Variants in RAP1GAP2 observed in about 807,000 individuals in gnomAD.
The protein encoded by RAP1GAP2 is rap1 GTPase-activating protein 2.
RAP1GAP2 carries 27 observed loss-of-function variants against 95.0 expected under a neutral mutation model. The observed-to-expected ratio is 0.28, with a 90% CI of 0.21 to 0.39. The LOEUF is 0.39. RAP1GAP2 is among the 10% of genes least tolerant of loss of function. The probability of loss-of-function intolerance (pLI) is 1.00; values close to 1 mark genes in which losing one functional copy is unlikely to be tolerated. For synonymous variants in RAP1GAP2, 373 were observed against 380.9 expected, an observed-to-expected ratio of 0.98 and a Z score of 0.24; for missense variants, 771 against 970.0, an observed-to-expected ratio of 0.79 and a Z score of 2.72.
chr17:2,933,746 T>C (rs141989991), intron 3 of RAP1GAP2, among the ~76,000 whole-genome samples: 2 of 152,096 alleles, frequency 1.3e-5, no homozygotes, highest in African/African-American at 4.8e-5. Context: ...CCTGATGAGA[T>C]TTCCAGAGCT....
chr17:3,026,818 A>G, intron 21 of RAP1GAP2, 126 bp from the exon 22 acceptor site: 1 of 1,258,072 alleles, frequency 7.9e-7, no homozygotes, highest in South Asian at 1.5e-5. Context: ...AGCAGGAAAG[A>G]AAGAGCAGGC....
chr17:2,760,947 CT>C (rs112322823), intron 1 of RAP1GAP2, among the ~76,000 whole-genome samples: 3 of 104,306 alleles, frequency 2.9e-5, no homozygotes, highest in African/African-American at 9.1e-5. Flanking sequence ...ATTTTCTTTT[CT>C]TTTCTTTCTT....
At chr17:2,771,124 G>A (rs1477925096) in intron 2 of RAP1GAP2, among the ~76,000 whole-genome samples, 5 of 152,156 alleles carry the variant, frequency 3.3e-5, no homozygotes, top group Admixed American at 3.3e-4. Context: ...AAAGACCAAA[G>A]ACTGGAGATC....
intron 3 of RAP1GAP2, among the ~76,000 whole-genome samples, chr17:2,911,816 C>G (rs1257440542): frequency 6.6e-6 from 1 of 152,162 alleles, no homozygotes; most frequent in Non-Finnish European, 1.5e-5. Context: ...GGGGTTGATT[C>G]TCCTGATTCT....
At chr17:2,757,986 C>G (rs1461502985) in intron 1 of RAP1GAP2, among the ~76,000 whole-genome samples, 1 of 152,004 alleles carries the variant, frequency 6.6e-6, no homozygotes, top group Non-Finnish European at 1.5e-5. Context: ...TCTCCTGCCT[C>G]AGCCTCCTGA....
chr17:2,926,930 C>T (rs146787107), intron 3 of RAP1GAP2, among the ~76,000 whole-genome samples: 3,077 of 141,682 alleles, frequency 0.022, 119 homozygotes, highest in African/African-American at 0.076. Flanking sequence ...TGCTTGAACC[C>T]GGGAGGCGGA....
intron 2 of RAP1GAP2, among the ~76,000 whole-genome samples, chr17:2,895,640 G>T (rs1166220602): frequency 6.6e-6 from 1 of 151,802 alleles, no homozygotes; most frequent in Non-Finnish European, 1.5e-5. Flanking sequence ...GCAGTGGCGC[G>T]ATCTCGGCTT....
intron 8 of RAP1GAP2, among the ~76,000 whole-genome samples, chr17:2,977,601 T>C (rs1336609668): frequency 1.3e-5 from 2 of 151,492 alleles, no homozygotes; most frequent in Admixed American, 1.3e-4. Context: ...AAAAATTAGC[T>C]GGGCGTGGTG....
At chr17:2,818,662 A>C (rs921874235) in intron 2 of RAP1GAP2, among the ~76,000 whole-genome samples, 2 of 152,106 alleles carry the variant, frequency 1.3e-5, no homozygotes, top group African/African-American at 4.8e-5. Context: ...ACATTCATAC[A>C]CAGGTATCTA....
chr17:2,760,188 G>A (rs910875118), intron 1 of RAP1GAP2, among the ~76,000 whole-genome samples: 18 of 150,626 alleles, frequency 1.2e-4, no homozygotes, highest in African/African-American at 4.1e-4. Flanking sequence ...AGCTACTGGG[G>A]AGGCTGAGGC....
intron 2 of RAP1GAP2, among the ~76,000 whole-genome samples, chr17:2,807,291 T>C (rs2069565474): frequency 6.6e-6 from 1 of 152,232 alleles, no homozygotes; most frequent in South Asian, 2.1e-4. Context: ...CTTTGTTTAC[T>C]GTAGATTACA....
chr17:2,937,153 A>C (rs1273723828), intron 3 of RAP1GAP2, among the ~76,000 whole-genome samples: 2 of 152,144 alleles, frequency 1.3e-5, no homozygotes, highest in Admixed American at 1.3e-4. Context: ...GTTAAGACCT[A>C]AAGGCCAAGT....
chr17:3,020,849 C>A, intron 19 of RAP1GAP2, among the ~76,000 whole-genome samples: 1 of 152,206 alleles, frequency 6.6e-6, no homozygotes, highest in Non-Finnish European at 1.5e-5. Flanking sequence ...AGAAACATTG[C>A]TTGGATTCTT....
chr17:2,772,855 C>CTTTCT (rs1555540245), upstream of RAP1GAP2, among the ~76,000 whole-genome samples: 2,798 of 126,116 alleles, frequency 0.022, 85 homozygotes, highest in South Asian at 0.11. Context: ...TTCTTTCTTT[C>CTTTCT]TTTTTTTTTT....
intron 1 of RAP1GAP2, among the ~76,000 whole-genome samples, chr17:2,778,038 C>T (rs980702223): frequency 2.8e-5 from 4 of 144,110 alleles, no homozygotes; most frequent in East Asian, 2.1e-4. Flanking sequence ...GGCTGGGAGG[C>T]GGGGAGTGAC....
chr17:3,016,912 C>T (rs573359469), intron 17 of RAP1GAP2, among the ~76,000 whole-genome samples: 5 of 152,300 alleles, frequency 3.3e-5, no homozygotes, highest in African/African-American at 9.6e-5. Flanking sequence ...CTAAAGCCTC[C>T]ATGCTTTTGA....
intron 2 of RAP1GAP2, among the ~76,000 whole-genome samples, chr17:2,805,140 A>G (rs940820638): frequency 6.6e-6 from 1 of 152,196 alleles, no homozygotes; most frequent in Non-Finnish European, 1.5e-5. Flanking sequence ...ATGAATCAAC[A>G]TGTGTCATCA....
chr17:2,820,733 ATATTT>A (rs533079111), intron 2 of RAP1GAP2, among the ~76,000 whole-genome samples: 30 of 151,754 alleles, frequency 2.0e-4, no homozygotes, highest in African/African-American at 6.8e-4. Context: ...TGACAGAAGC[ATATTT>A]TATTTTATTT....
chr17:2,829,972 T>C (rs555002691), intron 2 of RAP1GAP2, among the ~76,000 whole-genome samples: 22 of 152,244 alleles, frequency 1.4e-4, no homozygotes, highest in African/African-American at 5.3e-4. Flanking sequence ...TTTACTTTAC[T>C]TTTTCCTCTA....
Sources: allele counts gnomAD v4.1 joint callset (sites outside exome capture counted in the v4.1 genomes callset), GRCh38; gene constraint gnomAD v4.1.1; transcripts MANE v1.5; gene names NCBI Gene and HGNC (gene_info 2026-07-23, HGNC 2026-07-21).